Variants in SLC28A1 observed in about 807,000 individuals in gnomAD.
SLC28A1 encodes the protein solute carrier family 28 member 1, also known as sodium/nucleoside cotransporter 1.
A neutral mutation model predicts 74.8 loss-of-function variants in SLC28A1; 64 were observed. The ratio of observed to expected loss-of-function variants is 0.86; its 90% CI spans 0.70 to 1.05. The LOEUF is 1.05. Among genes scored for constraint, SLC28A1 ranks in the 50% least tolerant of loss-of-function variants. The pLI is 0.00. For missense variants in SLC28A1, 828 were observed against 822.8 expected, an observed-to-expected ratio of 1.01 and a Z score of -0.08; for synonymous variants, 359 against 335.0, an observed-to-expected ratio of 1.07 and a Z score of -0.78.
intron 9 of SLC28A1, among the ~76,000 whole-genome samples, chr15:84,912,378 A>G (rs1309861007): frequency 6.6e-6 from 1 of 152,180 alleles, no homozygotes; most frequent in Non-Finnish European, 1.5e-5. Context: ...TCAGAATCCA[A>G]GCTGCTTCCT....
intron 9 of SLC28A1, among the ~76,000 whole-genome samples, chr15:84,917,232 A>G (rs951743361): frequency 2.6e-5 from 4 of 152,148 alleles, no homozygotes; most frequent in Non-Finnish European, 5.9e-5. Flanking sequence ...CCAGTTCTAC[A>G]TGACTATTTT....
chr15:84,971,595 T>C, the SLC28A1 span, among the ~76,000 whole-genome samples: 5 of 152,174 alleles, frequency 3.3e-5, no homozygotes, highest in Non-Finnish European at 7.4e-5. Flanking sequence ...CCATGCTTCT[T>C]GTACAGCCTG....
At chr15:84,903,311 T>C (rs545483008) in intron 6 of SLC28A1, among the ~76,000 whole-genome samples, 1 of 152,354 alleles carries the variant, frequency 6.6e-6, no homozygotes, top group South Asian at 2.1e-4. Flanking sequence ...CTCTGCCACT[T>C]TCTAGATGAG....
chr15:84,909,926 G>A (rs764754562), intron 9 of SLC28A1, among the ~76,000 whole-genome samples: 1 of 152,206 alleles, frequency 6.6e-6, no homozygotes, highest in Non-Finnish European at 1.5e-5. Flanking sequence ...CCCTGCTGGG[G>A]GTCTTGGACC....
intron 6 of SLC28A1, 116 bp from the exon 7 acceptor site, chr15:84,903,981 T>C: frequency 7.3e-7 from 1 of 1,363,598 alleles, no homozygotes; most frequent in Non-Finnish European, 1.0e-6. Flanking sequence ...TCTGCTGTGC[T>C]GTTTCTCCTC....
chr15:84,903,949 CCA>C (rs1966850890), intron 6 of SLC28A1, 146 bp from the exon 7 acceptor site: 1 of 1,032,300 alleles, frequency 9.7e-7, no homozygotes, highest in Non-Finnish European at 1.5e-6. Flanking sequence ...GCATGTGGTT[CCA>C]GAGCTGGTGC....
intron 9 of SLC28A1, among the ~76,000 whole-genome samples, chr15:84,914,845 G>A (rs185143519): frequency 3.3e-5 from 5 of 152,008 alleles, no homozygotes; most frequent in Non-Finnish European, 5.9e-5. Context: ...AGAAAATTGG[G>A]GCCACCTCTT....
At chr15:84,950,233 C>T (rs1234752606), downstream of SLC28A1, among the ~76,000 whole-genome samples, 2 of 152,114 alleles carry the variant, frequency 1.3e-5, no homozygotes, top group Admixed American at 6.6e-5. Context: ...ATCAACGTGG[C>T]TATGAGTGAA....
intron 14 of SLC28A1, 45 bp downstream of exon 14, chr15:84,935,239 C>T: frequency 6.2e-7 from 1 of 1,612,716 alleles, no homozygotes; most frequent in South Asian, 1.1e-5. Context: ...AGGATGGCCC[C>T]AGGTGGGTGG....
At chr15:84,969,948 G>A in the SLC28A1 span, among the ~76,000 whole-genome samples, 1 of 152,172 alleles carries the variant, frequency 6.6e-6, no homozygotes, top group Non-Finnish European at 1.5e-5. Flanking sequence ...TTGACTAATG[G>A]CCTAATATGT....
At chr15:84,908,918 C>A (rs564183985) in intron 9 of SLC28A1, 123 bp downstream of exon 9, 7 of 799,756 alleles carry the variant, frequency 8.8e-6, no homozygotes, top group South Asian at 7.1e-5. Flanking sequence ...CAGAGGTCGC[C>A]GTACTGGGAA....
chr15:84,897,175 G>C (rs1429383913), intron 6 of SLC28A1, among the ~76,000 whole-genome samples: 2 of 148,334 alleles, frequency 1.3e-5, no homozygotes, highest in Non-Finnish European at 3.0e-5. Flanking sequence ...AGGAGATGGA[G>C]ACCATCCTGG....
intron 6 of SLC28A1, chr15:84,895,465 A>G: frequency 6.2e-7 from 1 of 1,612,282 alleles, no homozygotes; most frequent in Non-Finnish European, 8.5e-7. Context: ...CGCAGGGACC[A>G]TCCCTGGAGG....
chr15:84,928,585 TCTTTCTTTCTTTCTTTC>T (rs1567172363), intron 12 of SLC28A1, among the ~76,000 whole-genome samples: 234 of 20,138 alleles, frequency 0.012, 40 homozygotes, highest in African/African-American at 0.082. Context: ...TTTCTTTCTT[TCTTTCTTTCTTTCTTTC>T]TTTTCTTTCT....
rs8187751 is a variant in SLC28A1, at chr15:84,894,957, C to T, written c.295C>T (p.Leu99=). ...LLCTGLSAFL[L]VACLLDFQRA... The stretch of plus-strand genomic sequence containing the variant: ...TCCCCCAGGGCTCTCTGCCTTCCTG[C>T]TGGTGGCCTGCCTCCTGGATTTCCA... The change falls in exon 6 of 19, where the codon CTG becomes TTG. Residue 99 remains leucine, a synonymous_variant. Transcript: ENST00000394573. The T allele has an allele frequency of 6.2e-7, 1 of 1,614,024 alleles. No homozygotes were observed. Among genetic ancestry groups the T allele is most frequent in the African/African-American group, 1.3e-5 (1 of 74,922 alleles).
chr15:84,921,369 C>T (rs1440171425), intron 11 of SLC28A1, among the ~76,000 whole-genome samples: 3 of 152,214 alleles, frequency 2.0e-5, no homozygotes, highest in African/African-American at 7.2e-5. Context: ...AGGAAACAGG[C>T]TCAGGGGATG....
intron 10 of SLC28A1, 50 bp from the exon 11 acceptor site, chr15:84,920,939 T>TTTG (rs758041031): frequency 2.5e-5 from 37 of 1,454,448 alleles, no homozygotes; most frequent in Non-Finnish European, 3.2e-5. Flanking sequence ...CCCCTCTGAC[T>TTTG]CTGGGGTTTG....
intron 9 of SLC28A1, among the ~76,000 whole-genome samples, chr15:84,911,451 A>G (rs930908504): frequency 1.3e-5 from 2 of 152,198 alleles, no homozygotes; most frequent in Non-Finnish European, 2.9e-5. Flanking sequence ...GAACCCCTCC[A>G]CTGGACTTCT....
intron 7 of SLC28A1, 75 bp downstream of exon 7, chr15:84,904,313 TG>T: frequency 6.2e-7 from 1 of 1,602,048 alleles, no homozygotes. Flanking sequence ...ATCTGGGAGC[TG>T]GGGTATAGGC....
Sources: gnomAD v4.1 joint callset for allele counts (sites outside exome capture counted in the v4.1 genomes callset) on GRCh38, gnomAD v4.1.1 for gene constraint, MANE v1.5 for transcripts, NCBI Gene and HGNC (gene_info 2026-07-23, HGNC 2026-07-21) for gene names.